The following ARHGEF28 variants were observed in gnomAD, a reference collection of about 807,000 sequenced individuals.
ARHGEF28 encodes the protein Rho guanine nucleotide exchange factor 28.
Under a neutral mutation model 206.6 loss-of-function variants are expected in ARHGEF28, and 152 were observed. The observed-to-expected ratio is 0.74, with a 90% confidence interval of 0.64 to 0.84. ARHGEF28 has a LOEUF of 0.84. Among genes scored for constraint, ARHGEF28 ranks in the 40% least tolerant of loss-of-function variants. The pLI is 0.00. For synonymous variants in ARHGEF28, 763 were observed against 776.4 expected (o/e 0.98, Z 0.29); for missense variants, 2,028 against 2,073.2 (o/e 0.98, Z 0.42).
intron 4 of ARHGEF28, among the ~76,000 whole-genome samples, chr5:73,759,561 C>A (rs187576376): frequency 2.0e-5 from 3 of 152,136 alleles, no homozygotes; most frequent in Admixed American, 1.3e-4. Context: ...CTTTAGAAGA[C>A]GTTTATAAGA....
intron 2 of ARHGEF28, among the ~76,000 whole-genome samples, chr5:73,729,445 C>A (rs1750475197): frequency 6.6e-6 from 1 of 152,188 alleles, no homozygotes; most frequent in South Asian, 2.1e-4. Context: ...TACTCTATCT[C>A]CTGTGAAACA....
chr5:73,744,363 AG>A (rs1368072163), intron 2 of ARHGEF28, among the ~76,000 whole-genome samples: 1 of 152,154 alleles, frequency 6.6e-6, no homozygotes, highest in Non-Finnish European at 1.5e-5. Flanking sequence ...GCAGAAATCA[AG>A]AAACCTAATA....
At chr5:73,671,738 A>ATT (rs1172905776) in intron 1 of ARHGEF28, among the ~76,000 whole-genome samples, 9 of 9,900 alleles carry the variant, frequency 9.1e-4, no homozygotes, top group African/African-American at 1.7e-3. Flanking sequence ...ATATATATAT[A>ATT]TTTTTTTTTT....
intron 2 of ARHGEF28, among the ~76,000 whole-genome samples, chr5:73,688,494 T>TTC (rs200647177): frequency 0.012 from 1,874 of 152,360 alleles, 45 homozygotes; most frequent in African/African-American, 0.042. Flanking sequence ...ATGTAAATAT[T>TTC]TTCTTAAATT....
At chr5:73,754,212 G>T (rs1752182174) in intron 4 of ARHGEF28, among the ~76,000 whole-genome samples, 1 of 152,150 alleles carries the variant, frequency 6.6e-6, no homozygotes, top group Non-Finnish European at 1.5e-5. Flanking sequence ...ACTGCTCTGG[G>T]TAAAGGGGTG....
intron 9 of ARHGEF28, among the ~76,000 whole-genome samples, chr5:73,807,058 G>A (rs1158852910): frequency 6.9e-6 from 1 of 144,946 alleles, no homozygotes; most frequent in Non-Finnish European, 1.5e-5. Flanking sequence ...TTTTTTGAAG[G>A]TTTGGGAAAA....
intron 4 of ARHGEF28, among the ~76,000 whole-genome samples, chr5:73,769,876 T>C (rs1260800655): frequency 1.3e-5 from 2 of 152,218 alleles, no homozygotes; most frequent in Non-Finnish European, 2.9e-5. Flanking sequence ...GAGTGGAAGA[T>C]ACAGATATTT....
At position 73,840,507 on chromosome 5, in the gene ARHGEF28, A is replaced by C. The variant is rs751743777; in HGVS notation, c.1174A>C (p.Asn392His). The change falls in exon 11 of 36, where the codon AAT becomes CAT. Residue 392 changes from asparagine to histidine, a missense_variant. Coordinates refer to ENST00000513042, the MANE Select transcript of ARHGEF28 (RefSeq NM_001177693.2). ...TGGTGATTTGGATATCAGCTATATT[A>C]ATATAGAGGGAATCACTGCCACTAC... ...QVGDLDISYI[N>H]IEGITATTSP... The C allele has an allele frequency of 2.2e-5, 35 of 1,613,846 alleles. No individual in the cohort carries two copies. The highest frequency in any genetic ancestry group is 3.0e-5 in the Non-Finnish European group (35 of 1,179,816).
At chr5:73,786,741 G>A (rs1301467661) in intron 7 of ARHGEF28, among the ~76,000 whole-genome samples, 1 of 152,184 alleles carries the variant, frequency 6.6e-6, no homozygotes, top group African/African-American at 2.4e-5. Context: ...GGAAAATACA[G>A]ATAAAGCACC....
At position 73,794,431 on chromosome 5, in the gene ARHGEF28, G is replaced by A. The variant is rs1451414462; in HGVS notation, c.940G>A (p.Ala314Thr). 1 of 1,604,978 alleles carries A rather than the reference G, an allele frequency of 6.2e-7. No individual in the cohort carries two copies. Among genetic ancestry groups the A allele is most frequent in the Non-Finnish European group, 8.5e-7 (1 of 1,175,116 alleles). The change falls in exon 8 of 36, where the codon GCA becomes ACA. Residue 314 changes from alanine (A) to threonine (T), a missense_variant. Around this residue, in one of 3 missense-constraint regions of ARHGEF28, gnomAD observed 1,002 missense variants for 1,015.3 expected, o/e 0.99. Coordinates refer to ENST00000513042, the MANE Select transcript of ARHGEF28 (RefSeq NM_001177693.2). ...TAAGAATTCAGTGTCCAGCAGATCA[G>A]CAGCTGAAAAGGAAGATATAAAGGT... ...EIKNSVSSRSAAEKEDIKRVK... is the reference protein window; with the variant it reads ...EIKNSVSSRSTAEKEDIKRVK...
At chr5:73,820,239 G>A (rs1444446789) in intron 9 of ARHGEF28, among the ~76,000 whole-genome samples, 1 of 152,134 alleles carries the variant, frequency 6.6e-6, no homozygotes, top group Non-Finnish European at 1.5e-5. Flanking sequence ...AGAAAACTTG[G>A]TCTGATACAA....
At chr5:73,804,020 G>A (rs1457858796) in intron 9 of ARHGEF28, among the ~76,000 whole-genome samples, 1 of 146,836 alleles carries the variant, frequency 6.8e-6, no homozygotes, top group East Asian at 2.0e-4. Flanking sequence ...AGGAGTTCAA[G>A]GCTGCAGTGA....
chr5:73,804,875 A>G (rs1755348823), intron 9 of ARHGEF28, among the ~76,000 whole-genome samples: 1 of 152,192 alleles, frequency 6.6e-6, no homozygotes, highest in African/African-American at 2.4e-5. Flanking sequence ...TCTCCACTGT[A>G]AAGTTACTCT....
intron 14 of ARHGEF28, among the ~76,000 whole-genome samples, chr5:73,855,732 CAA>C (rs777664317): frequency 8.2e-6 from 1 of 121,708 alleles, no homozygotes. Flanking sequence ...AACTCCATCT[CAA>C]AAAAAAAAAA....
In ARHGEF28 at chr5:73,684,885, G is replaced by A. The variant is rs748148677; in HGVS notation, c.33+1G>A. ...GAGCTGCAGCGAAGCACCTCTTTAC[G>A]TAAGTTGCTAAGCACGGGGCTTCAG... On this transcript the variant is annotated splice_donor_variant, in intron 2 of 35. Transcript: ENST00000513042. LOFTEE classifies it high-confidence loss of function. 16 of 1,611,862 alleles carry A rather than the reference G, an allele frequency of 9.9e-6. No homozygotes were observed. In the African/African-American group the frequency reaches 1.1e-4, roughly 11 times the overall value.
At chr5:73,718,799 A>G (rs1749742487) in intron 2 of ARHGEF28, among the ~76,000 whole-genome samples, 1 of 152,032 alleles carries the variant, frequency 6.6e-6, no homozygotes, top group Non-Finnish European at 1.5e-5. Flanking sequence ...TCAACTCACT[A>G]CTATCTTCAT....
chr5:73,681,926 C>A (rs970798336), intron 1 of ARHGEF28, among the ~76,000 whole-genome samples: 1 of 152,086 alleles, frequency 6.6e-6, no homozygotes, highest in Non-Finnish European at 1.5e-5. Flanking sequence ...ATAGCAAGAC[C>A]CTATCTGTAC....
intron 4 of ARHGEF28, among the ~76,000 whole-genome samples, chr5:73,768,497 T>G (rs1753038269): frequency 6.6e-6 from 1 of 152,184 alleles, no homozygotes; most frequent in African/African-American, 2.4e-5. Flanking sequence ...CTTTAAGATT[T>G]GACTGCTCCA....
At chr5:73,912,401 GGATACA>G (rs1345378911) in intron 35 of ARHGEF28, among the ~76,000 whole-genome samples, 1 of 152,164 alleles carries the variant, frequency 6.6e-6, no homozygotes, top group East Asian at 1.9e-4. Flanking sequence ...CTTCAGAACT[GGATACA>G]GATTTGTTTC....
Sources: allele counts gnomAD v4.1 joint callset (sites outside exome capture counted in the v4.1 genomes callset), GRCh38; gene constraint gnomAD v4.1.1; regional missense constraint gnomAD v4.1.1; transcripts MANE v1.5; gene names NCBI Gene and HGNC (gene_info 2026-07-23, HGNC 2026-07-21).